The following ACOT12 variants were observed in gnomAD, a reference collection of about 807,000 sequenced individuals.
ACOT12 encodes the protein acetyl-coenzyme A thioesterase.
Under a neutral mutation model 67.7 loss-of-function variants are expected in ACOT12, and 51 were observed. The observed-to-expected ratio is 0.75, with a 90% CI of 0.60 to 0.95. ACOT12 has a LOEUF of 0.95. ACOT12 is among the 40% of genes least tolerant of loss of function. The probability of loss-of-function intolerance (pLI) is 0.00; values close to 1 mark genes in which losing one functional copy is unlikely to be tolerated. For missense variants in ACOT12, 734 were observed against 708.1 expected (o/e 1.04, Z -0.41); for synonymous variants, 251 against 244.6 (o/e 1.03, Z -0.24).
At chr5:81,375,174 G>A (rs578170194) in intron 2 of ACOT12, among the ~76,000 whole-genome samples, 17 of 152,344 alleles carry the variant, frequency 1.1e-4, no homozygotes, top group South Asian at 8.3e-4. Context: ...AGAAGAGAGT[G>A]GCGGCCAATA....
rs113184000 is a variant in ACOT12, at chr5:81,343,691, C to T, written c.1044+127G>A. On this transcript the variant is annotated intron_variant, in intron 10 of 14. Transcript: ENST00000307624. The stretch of plus-strand genomic sequence containing the variant: ...CTGGTTTTGTTTCATCTTGACATGA[C>T]TGGCTGATATAATCCACCTTTTCAC... The T allele has an allele frequency of 2.9e-3, 2,516 of 862,850 alleles. 36 individuals are homozygous for T. In the African/African-American group the frequency reaches 0.038, roughly 13 times the overall value. The allele number at this position is 862,850 out of a possible 1,614,324, so 53.4% of individuals were successfully genotyped here. A position where few individuals can be genotyped will look rare whatever the true frequency, so the allele number is the denominator to read the frequency against.
intron 3 of ACOT12, among the ~76,000 whole-genome samples, chr5:81,364,480 T>C (rs1485932790): frequency 3.9e-5 from 6 of 151,936 alleles, no homozygotes; most frequent in African/African-American, 1.5e-4. Context: ...CAGGCTGGAG[T>C]GCAGTGGCAC....
chr5:81,352,956 C>A (rs1580553181), intron 5 of ACOT12, among the ~76,000 whole-genome samples: 2 of 152,152 alleles, frequency 1.3e-5, no homozygotes, highest in South Asian at 4.2e-4. Flanking sequence ...TAACTATATG[C>A]CTTTTTATGC....
downstream of ACOT12, among the ~76,000 whole-genome samples, chr5:81,327,509 CT>C (rs1327051450): frequency 6.6e-6 from 1 of 152,202 alleles, no homozygotes; most frequent in Non-Finnish European, 1.5e-5. Context: ...GGCACGATCT[CT>C]GCAAACTGCA....
chr5:81,350,739 C>T (rs563505657), intron 5 of ACOT12, among the ~76,000 whole-genome samples: 1 of 152,148 alleles, frequency 6.6e-6, no homozygotes, highest in Non-Finnish European at 1.5e-5. Flanking sequence ...CATGAGGATG[C>T]ACTTGTGATT....
rs867097537 is a variant in ACOT12 at position 81,386,043 on chromosome 5, A to G, written c.128-217T>C. The stretch of plus-strand genomic sequence containing the variant: ...ATGTATGGTAATTACTGCACTTTTT[A>G]TCCTAATTTTTAACTTACATGGTCT... On this transcript the variant is annotated intron_variant, in intron 1 of 14. Coordinates refer to ENST00000307624, the MANE Select transcript of ACOT12 (RefSeq NM_130767.3). Among the ~76,000 whole-genome samples the G allele has an allele frequency of 2.6e-5, 4 of 152,294 alleles. No individual in the cohort carries two copies. In the South Asian group the frequency reaches 8.3e-4, roughly 32 times the overall value.
chr5:81,337,533 T>C (rs1319377731), intron 11 of ACOT12, among the ~76,000 whole-genome samples: 3 of 152,164 alleles, frequency 2.0e-5, no homozygotes, highest in Non-Finnish European at 4.4e-5. Context: ...ATGACTGGCA[T>C]CCTTATTAAA....
At chr5:81,355,711 G>T (rs561688293) in intron 5 of ACOT12, among the ~76,000 whole-genome samples, 4 of 152,204 alleles carry the variant, frequency 2.6e-5, no homozygotes, top group African/African-American at 9.6e-5. Context: ...GAGTAAGTCC[G>T]GTGGGAGGAG....
chr5:81,335,950 A>G lies in ACOT12; in HGVS notation c.1129-49T>C, dbSNP rs185248841. 20 of 1,561,186 alleles carry G rather than the reference A, an allele frequency of 1.3e-5. No individual in the cohort carries two copies. The African/African-American group carries it at 2.6e-4, about 20-fold the overall frequency. Reference sequence around the variant, plus strand: ...ATTACGAAAGAAAACTGATGCTTTTACTTTAGAAACCATATGCATATATAT... The same window carrying G: ...ATTACGAAAGAAAACTGATGCTTTTGCTTTAGAAACCATATGCATATATAT... On this transcript the variant is annotated intron_variant, in intron 11 of 14. Coordinates refer to ENST00000307624, the MANE Select transcript of ACOT12 (RefSeq NM_130767.3).
At chr5:81,319,725 A>G in the ACOT12 span, among the ~76,000 whole-genome samples, 1 of 152,056 alleles carries the variant, frequency 6.6e-6, no homozygotes, top group Admixed American at 6.6e-5. Context: ...CAAAAAAAAA[A>G]AAAAAGAAAC....
intron 2 of ACOT12, among the ~76,000 whole-genome samples, chr5:81,380,578 A>AC (rs1760551486): frequency 7.9e-6 from 1 of 125,992 alleles, no homozygotes; most frequent in African/African-American, 2.7e-5. Flanking sequence ...AAAAAAAAAA[A>AC]AAGAAAAGAA....
chr5:81,312,784 G>A, the ACOT12 span: 1 of 664,080 alleles, frequency 1.5e-6, no homozygotes, highest in South Asian at 2.2e-5. Context: ...GTATGATCTG[G>A]GTGTGGCCAA....
At chr5:81,343,961 G>C (rs1759289015) in intron 9 of ACOT12, 80 bp from the exon 10 acceptor site, 1 of 1,375,042 alleles carries the variant, frequency 7.3e-7, no homozygotes, top group Non-Finnish European at 1.0e-6. Flanking sequence ...ATACTTTCTT[G>C]AACTTCTATC....
downstream of ACOT12, among the ~76,000 whole-genome samples, chr5:81,326,761 T>TATGG (rs1758683681): frequency 6.6e-6 from 1 of 152,204 alleles, no homozygotes. Context: ...GTGGTCACCT[T>TATGG]GACCTATTTA....
In ACOT12 at chr5:81,330,395, T is replaced by C. The variant is rs1366121767; in HGVS notation, c.1667A>G (p.Ter556=). The C allele has an allele frequency of 1.2e-6, 2 of 1,609,672 alleles. No individual in the cohort carries two copies. The highest frequency in any genetic ancestry group is 2.2e-5 in the East Asian group (1 of 44,830). ...PPDDGFVSTF[*] ...TTACCAGTAATTGAAAGTTGACCTT[T>C]AAAATGTGCTTACAAACCCATCATC... The change falls in exon 15 of 15, where the codon TAA becomes TGA. Residue 556 remains the stop codon, a stop_retained_variant. Coordinates refer to ENST00000307624, the MANE Select transcript of ACOT12 (RefSeq NM_130767.3).
downstream of ACOT12, among the ~76,000 whole-genome samples, chr5:81,325,346 T>A (rs551275393): frequency 5.5e-4 from 84 of 152,342 alleles, no homozygotes; most frequent in Admixed American, 9.1e-4. Flanking sequence ...ACCAGCCTCC[T>A]AAGCACCCTG....
At chr5:81,319,697 A>G in the ACOT12 span, among the ~76,000 whole-genome samples, 1 of 151,754 alleles carries the variant, frequency 6.6e-6, no homozygotes, top group Non-Finnish European at 1.5e-5. Context: ...AGCCTGGGCA[A>G]CAAGAGCGAA....
chr5:81,393,031 T>C (rs1282096836), intron 1 of ACOT12, among the ~76,000 whole-genome samples: 1 of 152,242 alleles, frequency 6.6e-6, no homozygotes, highest in East Asian at 1.9e-4. Flanking sequence ...AGGACTTCAG[T>C]GTATAAATTT....
At chr5:81,312,762 C>A in the ACOT12 span, 1 of 818,458 alleles carries the variant, frequency 1.2e-6, no homozygotes, top group Non-Finnish European at 2.0e-6. Flanking sequence ...CAGGACTATG[C>A]TGTAGATATC....
Sources: allele counts gnomAD v4.1 joint callset (sites outside exome capture counted in the v4.1 genomes callset), GRCh38; gene constraint gnomAD v4.1.1; transcripts MANE v1.5; gene names NCBI Gene and HGNC (gene_info 2026-07-23, HGNC 2026-07-21).